Variants in FAM240B observed in about 807,000 individuals in gnomAD.
FAM240B encodes protein FAM240B.
intron 1 of FAM240B, among the ~76,000 whole-genome samples, chr9:38,710,264 C>T (rs1338030315): frequency 1.3e-5 from 2 of 152,114 alleles, no homozygotes; most frequent in East Asian, 3.9e-4. Flanking sequence ...CCACAGCGCT[C>T]GGCCTTGATG....
At chr9:38,697,768 A>G (rs1821084493) in intron 2 of FAM240B, among the ~76,000 whole-genome samples, 1 of 152,224 alleles carries the variant, frequency 6.6e-6, no homozygotes, top group South Asian at 2.1e-4. Context: ...CTACATGATG[A>G]GGTGTTACTA....
At chr9:38,705,742 C>G (rs12336202) in intron 1 of FAM240B, among the ~76,000 whole-genome samples, 13,686 of 152,258 alleles carry the variant, frequency 0.09, 735 homozygotes, top group African/African-American at 0.14. Context: ...AGCTTCCCAC[C>G]TGAAGGGAAC....
At chr9:38,707,898 T>G (rs1821209317) in intron 1 of FAM240B, among the ~76,000 whole-genome samples, 1 of 151,976 alleles carries the variant, frequency 6.6e-6, no homozygotes, top group African/African-American at 2.4e-5. Context: ...CAAAAAACAC[T>G]TATAGGGTCT....
intron 1 of FAM240B, among the ~76,000 whole-genome samples, chr9:38,707,699 C>T (rs1479129173): frequency 6.7e-6 from 1 of 149,270 alleles, no homozygotes; most frequent in African/African-American, 2.5e-5. Context: ...GAGGCTGAGG[C>T]AGGAGAATCG....
chr9:38,702,664 A>G (rs946337513), intron 2 of FAM240B, among the ~76,000 whole-genome samples: 2 of 152,194 alleles, frequency 1.3e-5, no homozygotes, highest in Admixed American at 1.3e-4. Flanking sequence ...GCAAAACTTC[A>G]TCTCTCAGCA....
intron 1 of FAM240B, among the ~76,000 whole-genome samples, chr9:38,716,084 G>T (rs777421552): frequency 1.2e-4 from 18 of 152,264 alleles, no homozygotes; most frequent in Non-Finnish European, 2.1e-4. Flanking sequence ...GGGACCAGGA[G>T]CCGAGGCAGG....
At chr9:38,716,475 A>ATAAAG (rs965187120) in intron 1 of FAM240B, among the ~76,000 whole-genome samples, 22 of 151,708 alleles carry the variant, frequency 1.5e-4, no homozygotes, top group African/African-American at 4.9e-4. Context: ...CCGCTCTTAA[A>ATAAAG]TAAAATAATT....
intron 2 of FAM240B, among the ~76,000 whole-genome samples, chr9:38,696,757 T>C (rs1821074777): frequency 6.6e-6 from 1 of 152,122 alleles, no homozygotes; most frequent in African/African-American, 2.4e-5. Flanking sequence ...GAGGTTGCAG[T>C]GAGCCGAGAT....
intron 2 of FAM240B, among the ~76,000 whole-genome samples, chr9:38,701,523 T>A (rs1471553196): frequency 6.6e-6 from 1 of 152,222 alleles, no homozygotes; most frequent in Non-Finnish European, 1.5e-5. Context: ...TTGAGAATTT[T>A]AATTCACAAT....
chr9:38,700,106 T>C (rs572382102), intron 2 of FAM240B, among the ~76,000 whole-genome samples: 1 of 152,330 alleles, frequency 6.6e-6, no homozygotes, highest in Non-Finnish European at 1.5e-5. Context: ...GCATACTCAT[T>C]TGACCAACTC....
At chr9:38,716,514 T>C (rs531014076) in intron 1 of FAM240B, among the ~76,000 whole-genome samples, 3 of 152,102 alleles carry the variant, frequency 2.0e-5, no homozygotes, top group Non-Finnish European at 4.4e-5. Context: ...CTTCACACAG[T>C]GTGCTCAGTG....
chr9:38,716,646 A>C (rs1274545452), intron 1 of FAM240B, among the ~76,000 whole-genome samples: 6 of 152,172 alleles, frequency 3.9e-5, no homozygotes, highest in African/African-American at 1.2e-4. Context: ...AGCTTTTAAA[A>C]AGGCAAGGTG....
chr9:38,714,937 A>C (rs1483637066), intron 1 of FAM240B, among the ~76,000 whole-genome samples: 1 of 152,230 alleles, frequency 6.6e-6, no homozygotes, highest in African/African-American at 2.4e-5. Context: ...AGTAAATTTT[A>C]TTGTACCAAT....
chr9:38,703,608 T>G (rs1453498143), intron 2 of FAM240B, among the ~76,000 whole-genome samples: 1 of 152,226 alleles, frequency 6.6e-6, no homozygotes, highest in East Asian at 1.9e-4. Context: ...CTGTGGGACA[T>G]GCATGTGTGA....
chr9:38,713,416 T>C (rs1481267800), intron 1 of FAM240B, among the ~76,000 whole-genome samples: 4 of 137,622 alleles, frequency 2.9e-5, no homozygotes, highest in African/African-American at 1.1e-4. Flanking sequence ...AGGGAGAGCT[T>C]GCAGTGAGCC....
intron 1 of FAM240B, 100 bp from the exon 2 acceptor site, chr9:38,704,102 C>G (rs1172362723): frequency 2.8e-6 from 1 of 362,256 alleles, no homozygotes; most frequent in African/African-American, 2.2e-5. Flanking sequence ...CTGCCATTTA[C>G]ACTTGTTTTT....
chr9:38,698,067 G>A (rs1821086915), intron 2 of FAM240B, among the ~76,000 whole-genome samples: 1 of 152,212 alleles, frequency 6.6e-6, no homozygotes, highest in Non-Finnish European at 1.5e-5. Flanking sequence ...CAGCTGAAGA[G>A]CTGCAATGCA....
chr9:38,696,889 T>G (rs13287239), intron 2 of FAM240B, among the ~76,000 whole-genome samples: 5 of 152,236 alleles, frequency 3.3e-5, no homozygotes, highest in Non-Finnish European at 5.9e-5. Context: ...GTAATTTTCA[T>G]AATTATATTT....
At chr9:38,716,109 G>C (rs896830848) in intron 1 of FAM240B, among the ~76,000 whole-genome samples, 6 of 152,094 alleles carry the variant, frequency 3.9e-5, no homozygotes, top group African/African-American at 1.2e-4. Flanking sequence ...TTTTCTCTTG[G>C]GCTTTGACCC....
Sources: allele counts gnomAD v4.1 joint callset (sites outside exome capture counted in the v4.1 genomes callset), GRCh38; gene constraint gnomAD v4.1.1; transcripts MANE v1.5; gene names NCBI Gene and HGNC (gene_info 2026-07-23, HGNC 2026-07-21).